Variants in EIF3H observed in about 807,000 individuals in gnomAD.
The protein encoded by EIF3H is eIF-3-gamma.
A neutral mutation model predicts 44.2 loss-of-function variants in EIF3H; 26 were observed. That is an observed-to-expected ratio of 0.59 (90% confidence interval 0.43 to 0.82). EIF3H has a LOEUF of 0.82. Ranked by LOEUF, EIF3H falls within the 40% of genes least tolerant of loss-of-function variation. EIF3H has a pLI of 0.00. For synonymous variants in EIF3H, 166 were observed against 151.9 expected (o/e 1.09, Z -0.68); for missense variants, 359 against 432.8 (o/e 0.83, Z 1.51).
chr8:116,671,906 G>C (rs577351909), intron 2 of EIF3H, among the ~76,000 whole-genome samples: 4 of 152,142 alleles, frequency 2.6e-5, no homozygotes, highest in Admixed American at 2.6e-4. Flanking sequence ...GAAAACAGAA[G>C]ATCTGAACTG....
chr8:116,708,461 T>C (rs1045807667), intron 2 of EIF3H, among the ~76,000 whole-genome samples: 2 of 152,190 alleles, frequency 1.3e-5, no homozygotes, highest in East Asian at 1.9e-4. Context: ...TGTAAAAGAC[T>C]ATTCCACAGT....
At position 116,648,736 on chromosome 8, in the gene EIF3H, T is replaced by C. The variant is rs184583225; in HGVS notation, c.828+70A>G. On this transcript the variant is annotated intron_variant, in intron 6 of 7. Coordinates refer to ENST00000521861, the MANE Select transcript of EIF3H (RefSeq NM_003756.3). ...ATTTACCAAAGATAATTTAGGTCATTTTGAACATGACTCTTGAAATACATG... is the reference window on the plus strand; with the variant it reads ...ATTTACCAAAGATAATTTAGGTCATCTTGAACATGACTCTTGAAATACATG... The C allele has an allele frequency of 9.9e-5, 146 of 1,467,742 alleles. 2 individuals are homozygous for C. The Middle Eastern group carries it at 4.2e-3, about 42-fold the overall frequency. 90.9% of individuals were successfully genotyped at this position (1,467,742 alleles called of 1,614,324 possible).
At chr8:116,721,461 GA>G (rs1425211821) in intron 2 of EIF3H, among the ~76,000 whole-genome samples, 2 of 152,248 alleles carry the variant, frequency 1.3e-5, no homozygotes, top group Admixed American at 6.5e-5. Flanking sequence ...CCCCCACACA[GA>G]GTCCCCACTG....
chr8:116,659,336 G>A (rs1480881205), intron 2 of EIF3H, among the ~76,000 whole-genome samples: 1 of 152,082 alleles, frequency 6.6e-6, no homozygotes, highest in Non-Finnish European at 1.5e-5. Context: ...TACTAAATTG[G>A]TTGGTTGTAA....
chr8:116,660,063 T>C (rs947521381), intron 2 of EIF3H, among the ~76,000 whole-genome samples: 1 of 152,050 alleles, frequency 6.6e-6, no homozygotes. Flanking sequence ...ATTTTTGTAT[T>C]GTTTTTTTGT....
chr8:116,710,381 T>C (rs1174676733), intron 2 of EIF3H, among the ~76,000 whole-genome samples: 1 of 152,196 alleles, frequency 6.6e-6, no homozygotes, highest in Non-Finnish European at 1.5e-5. Flanking sequence ...TGATCTGTAT[T>C]TTCAGTTAGT....
At chr8:116,701,375 T>A (rs1033037194) in intron 2 of EIF3H, among the ~76,000 whole-genome samples, 1 of 152,194 alleles carries the variant, frequency 6.6e-6, no homozygotes, top group Non-Finnish European at 1.5e-5. Flanking sequence ...ATAGTCCCCA[T>A]AATATTAATT....
chr8:116,678,122 T>C (rs979807066), intron 2 of EIF3H, among the ~76,000 whole-genome samples: 1 of 150,316 alleles, frequency 6.7e-6, no homozygotes, highest in African/African-American at 2.4e-5. Context: ...GCCGAGTGCC[T>C]GCGATTGCAG....
chr8:116,655,885 A>T lies in EIF3H; in HGVS notation c.678T>A (p.Asp226Glu). Residue 226 changes from aspartate to glutamate, a missense_variant, in exon 5 of 8, where the codon GAT (aspartate) becomes GAA (glutamate). Around this residue, in one of 5 missense-constraint regions of EIF3H, gnomAD observed 85 missense variants for 79.2 expected, o/e 1.07. Transcript: ENST00000521861. Reference protein sequence around the residue: ...WELEKKSAVADKHELLSLASS... With the variant: ...WELEKKSAVAEKHELLSLASS... Reference sequence around the variant, plus strand: ...TGGCAAGGCTGAGCAATTCATGTTTATCTGCAACAGCTGACTTCTTTTCAA... The same window carrying T: ...TGGCAAGGCTGAGCAATTCATGTTTTTCTGCAACAGCTGACTTCTTTTCAA... The T allele has an allele frequency of 6.2e-7, 1 of 1,613,820 alleles. No homozygotes were observed. The highest frequency in any genetic ancestry group is 8.5e-7 in the Non-Finnish European group (1 of 1,179,780).
At chr8:116,668,599 C>A (rs767182226) in intron 2 of EIF3H, among the ~76,000 whole-genome samples, 20 of 152,114 alleles carry the variant, frequency 1.3e-4, no homozygotes, top group Non-Finnish European at 2.2e-4. Context: ...CCAGACTACT[C>A]TGAATCTGAA....
At chr8:116,657,827 C>A (rs1813516964) in intron 3 of EIF3H, 1 of 153,996 alleles carries the variant, frequency 6.5e-6, no homozygotes, top group Admixed American at 6.5e-5. Flanking sequence ...ACTGCTATCA[C>A]AAAAGTGTCT....
intron 2 of EIF3H, among the ~76,000 whole-genome samples, chr8:116,707,905 T>C (rs1814497782): frequency 6.6e-6 from 1 of 152,186 alleles, no homozygotes; most frequent in African/African-American, 2.4e-5. Flanking sequence ...TCTATGCTCA[T>C]AATACATGCT....
At chr8:116,678,038 G>C (rs566102260) in intron 2 of EIF3H, among the ~76,000 whole-genome samples, 4 of 152,142 alleles carry the variant, frequency 2.6e-5, no homozygotes, top group South Asian at 2.1e-4. Flanking sequence ...CTCTGATGCC[G>C]AGCCAAAGCT....
chr8:116,755,907 G>A (rs887440443), upstream of EIF3H: 11 of 1,551,900 alleles, frequency 7.1e-6, no homozygotes, highest in Admixed American at 1.1e-4. Flanking sequence ...GACGGAAGGA[G>A]AAGCCAAAAT....
chr8:116,724,116 G>A (rs1479073387), intron 2 of EIF3H, among the ~76,000 whole-genome samples: 2 of 152,082 alleles, frequency 1.3e-5, no homozygotes, highest in Non-Finnish European at 2.9e-5. Context: ...ACAGACCAGT[G>A]GAATAAAACA....
chr8:116,726,069 G>C lies in EIF3H; in HGVS notation c.236C>G (p.Thr79Ser). 2.5e-6 allele frequency: 4 copies of C among 1,614,056 alleles called. No homozygotes were observed. Among genetic ancestry groups the C allele is most frequent in the Non-Finnish European group, 3.4e-6 (4 of 1,179,974 alleles). ...GLVVEDRLEI[T>S]NCFPFPQHTE... is the part of the protein sequence containing the mutation. Reference sequence around the variant, plus strand: ...GTGCTGAGGGAAAGGAAAGCAGTTGGTAATTTCAAGCCGATCTTCTACAAC... The same window carrying C: ...GTGCTGAGGGAAAGGAAAGCAGTTGCTAATTTCAAGCCGATCTTCTACAAC... The change falls in exon 2 of 8, where the codon ACC becomes AGC. Residue 79 changes from threonine to serine, a missense_variant. By Grantham distance (58) the Thr-to-Ser change is moderately conservative. Around this residue, in one of 5 missense-constraint regions of EIF3H, gnomAD observed 91 missense variants for 164.6 expected, o/e 0.55. Transcript: ENST00000521861.
intron 2 of EIF3H, among the ~76,000 whole-genome samples, chr8:116,691,569 G>A (rs1227185857): frequency 1.4e-5 from 2 of 146,656 alleles, no homozygotes; most frequent in Admixed American, 6.7e-5. Context: ...AAAAAAAAAA[G>A]CCTATAAAAG....
At chr8:116,686,598 T>C (rs1814081417) in intron 2 of EIF3H, among the ~76,000 whole-genome samples, 1 of 151,692 alleles carries the variant, frequency 6.6e-6, no homozygotes, top group Non-Finnish European at 1.5e-5. Context: ...ACACATTCCT[T>C]GCCTCTGAGC....
chr8:116,662,809 T>G (rs1336448203), intron 2 of EIF3H, among the ~76,000 whole-genome samples: 1 of 152,228 alleles, frequency 6.6e-6, no homozygotes, highest in Non-Finnish European at 1.5e-5. Flanking sequence ...TTTACCCCTT[T>G]GGCCTATGGA....
Sources: gnomAD v4.1 joint callset for allele counts (sites outside exome capture counted in the v4.1 genomes callset) on GRCh38, gnomAD v4.1.1 for gene constraint, gnomAD v4.1.1 regional missense constraint, MANE v1.5 for transcripts, NCBI Gene and HGNC (gene_info 2026-07-23, HGNC 2026-07-21) for gene names.